The following ADAMTSL1 variants were observed in gnomAD, a reference collection of about 807,000 sequenced individuals.
ADAMTSL1 encodes ADAMTS-like protein 1.
In ADAMTSL1, 126 loss-of-function variants were observed where a neutral mutation model predicts 201.8. The observed-to-expected ratio is 0.62, with a 90% CI of 0.54 to 0.72. The LOEUF (loss-of-function observed/expected upper bound fraction) is 0.72. Among genes scored for constraint, ADAMTSL1 ranks in the 30% least tolerant of loss-of-function variants. ADAMTSL1 has a pLI of 0.00. For missense variants in ADAMTSL1, 2,679 were observed against 2,277.8 expected (o/e 1.18, Z -3.59); for synonymous variants, 1,121 against 903.4 (o/e 1.24, Z -4.32).
At chr9:18,394,281 T>G (rs1817657073) in intron 2 of ADAMTSL1, among the ~76,000 whole-genome samples, 1 of 152,346 alleles carries the variant, frequency 6.6e-6, no homozygotes, top group Admixed American at 6.5e-5. Flanking sequence ...TAGTGAAAAG[T>G]TTTTAAAGGC....
chr9:17,954,488 T>A (rs7850746), intron 1 of ADAMTSL1, among the ~76,000 whole-genome samples: 2,027 of 152,326 alleles, frequency 0.013, 57 homozygotes, highest in African/African-American at 0.047. Flanking sequence ...TATTTTTGAA[T>A]GGTTTAAGTT....
chr9:18,578,095 T>C (rs538298909), intron 4 of ADAMTSL1, among the ~76,000 whole-genome samples: 15 of 151,920 alleles, frequency 9.9e-5, no homozygotes, highest in African/African-American at 2.4e-4. Flanking sequence ...CAGCAAATCA[T>C]TGTATGATTT....
chr9:18,888,504 A>G (rs766124756), intron 24 of ADAMTSL1, among the ~76,000 whole-genome samples: 4 of 152,222 alleles, frequency 2.6e-5, no homozygotes, highest in Admixed American at 6.5e-5. Context: ...AGGGCTTTCC[A>G]GGCACCTTTC....
chr9:18,160,400 T>A (rs1827330647), intron 1 of ADAMTSL1, among the ~76,000 whole-genome samples: 1 of 151,988 alleles, frequency 6.6e-6, no homozygotes, highest in Non-Finnish European at 1.5e-5. Context: ...TAAGAGATAC[T>A]CTCTGGCCCC....
At chr9:18,696,865 ATATTAT>A (rs142242579) in intron 13 of ADAMTSL1, among the ~76,000 whole-genome samples, 12 of 142,252 alleles carry the variant, frequency 8.4e-5, no homozygotes, top group South Asian at 2.3e-4. Flanking sequence ...CATGTCAAAA[ATATTAT>A]TATTATTATT....
chr9:18,420,320 C>T (rs1407063493), intron 2 of ADAMTSL1, among the ~76,000 whole-genome samples: 1 of 152,092 alleles, frequency 6.6e-6, no homozygotes, highest in Non-Finnish European at 1.5e-5. Flanking sequence ...CTAGAATGGT[C>T]TACTGATTAT....
rs1211805413 is a variant in ADAMTSL1 at position 18,657,762 on chromosome 9, C to A, written c.946+12C>A. The A allele has an allele frequency of 6.2e-7, 1 of 1,601,008 alleles. No homozygotes were observed. The highest frequency in any genetic ancestry group is 2.2e-5 in the East Asian group (1 of 44,790). On this transcript the variant is annotated intron_variant, in intron 8 of 28. Coordinates refer to ENST00000380548, the MANE Select transcript of ADAMTSL1 (RefSeq NM_001040272.6). ...AACCTGTGGAGGAGGTAATGGTGTTCACTTAGTCTAAAAACTGTTGGCTTC... is the reference window on the plus strand; with the variant it reads ...AACCTGTGGAGGAGGTAATGGTGTTAACTTAGTCTAAAAACTGTTGGCTTC...
chr9:18,777,917 T>C lies in ADAMTSL1; in HGVS notation c.3677+11T>C. ...TCAGTTCAGTGACAGGTGAGCCTTGTAGCTAACCTGGTCTTGGGAGGGAGG... is the reference window on the plus strand; with the variant it reads ...TCAGTTCAGTGACAGGTGAGCCTTGCAGCTAACCTGGTCTTGGGAGGGAGG... On this transcript the variant is annotated intron_variant, in intron 19 of 28. Coordinates refer to ENST00000380548, the MANE Select transcript of ADAMTSL1 (RefSeq NM_001040272.6). 3.3e-6 allele frequency: 5 copies of C among 1,526,940 alleles called. No homozygotes were observed. The highest frequency in any genetic ancestry group is 4.4e-6 in the Non-Finnish European group (5 of 1,135,134). The allele number at this position is 1,526,940 out of a possible 1,614,324, so 94.6% of individuals were successfully genotyped here.
intron 2 of ADAMTSL1, among the ~76,000 whole-genome samples, chr9:18,292,749 A>G (rs999739026): frequency 2.0e-5 from 3 of 152,110 alleles, no homozygotes; most frequent in Non-Finnish European, 4.4e-5. Flanking sequence ...AGGGTCTCTC[A>G]GGTCTTTGGC....
chr9:18,711,057 C>G (rs76925595), intron 14 of ADAMTSL1, among the ~76,000 whole-genome samples: 472 of 152,110 alleles, frequency 3.1e-3, no homozygotes, highest in African/African-American at 0.011. Context: ...AGCAAGGAAG[C>G]AATTCACAGT....
intron 1 of ADAMTSL1, among the ~76,000 whole-genome samples, chr9:18,013,294 T>C (rs1563948785): frequency 6.6e-6 from 1 of 152,094 alleles, no homozygotes; most frequent in Non-Finnish European, 1.5e-5. Flanking sequence ...ATTTGACTTC[T>C]GCCCAAGTCT....
At chr9:17,922,450 G>A (rs1826343431) in intron 1 of ADAMTSL1, among the ~76,000 whole-genome samples, 1 of 152,108 alleles carries the variant, frequency 6.6e-6, no homozygotes, top group Admixed American at 6.6e-5. Context: ...AGATTCCTGA[G>A]CCTCAATCTC....
chr9:17,963,518 A>T (rs1421582781), intron 1 of ADAMTSL1, among the ~76,000 whole-genome samples: 1 of 152,316 alleles, frequency 6.6e-6, no homozygotes, highest in African/African-American at 2.4e-5. Flanking sequence ...AGTATTCCGT[A>T]TGAAAAACAG....
rs976719933 is a variant in ADAMTSL1, at chr9:18,352,797, G to T, written c.208-152032G>T. ...ATAAAAGGTTATGCAGGAAAAATAC[G>T]TTTTTACCCTATTTCTCAATCAGTC... is the stretch of plus-strand genomic sequence containing the variant. On this transcript the variant is annotated intron_variant, in intron 2 of 29. Transcript: ENST00000680146. Among the ~76,000 whole-genome samples the T allele has an allele frequency of 4.6e-5, 7 of 152,144 alleles. No individual in the cohort carries two copies. In the East Asian group the frequency reaches 7.7e-4, roughly 17 times the overall value.
At chr9:18,714,159 A>C (rs1287635475) in intron 14 of ADAMTSL1, among the ~76,000 whole-genome samples, 1 of 152,234 alleles carries the variant, frequency 6.6e-6, no homozygotes, top group African/African-American at 2.4e-5. Context: ...AAAGATCCAA[A>C]ATTGACACCC....
intron 1 of ADAMTSL1, among the ~76,000 whole-genome samples, chr9:17,996,130 C>T (rs2131514172): frequency 6.6e-6 from 1 of 151,958 alleles, no homozygotes; most frequent in Middle Eastern, 3.4e-3. Context: ...TAAATTATCA[C>T]ATCCTAACTT....
intron 2 of ADAMTSL1, among the ~76,000 whole-genome samples, chr9:18,227,341 A>C (rs537229471): frequency 2.6e-5 from 4 of 152,282 alleles, no homozygotes; most frequent in African/African-American, 9.6e-5. Flanking sequence ...GCAGATTCTC[A>C]TCTTAGTGGG....
intron 3 of ADAMTSL1, among the ~76,000 whole-genome samples, chr9:18,542,566 G>A (rs548285092): frequency 6.6e-6 from 1 of 152,270 alleles, no homozygotes; most frequent in East Asian, 1.9e-4. Context: ...CAGACACACA[G>A]AGAGAAGACA....
chr9:18,108,530 C>T (rs1437931849), intron 1 of ADAMTSL1, among the ~76,000 whole-genome samples: 1 of 151,892 alleles, frequency 6.6e-6, no homozygotes, highest in Non-Finnish European at 1.5e-5. Flanking sequence ...CTCTTGGAAG[C>T]CAGATCACAG....
Sources: gnomAD v4.1 joint callset for allele counts (sites outside exome capture counted in the v4.1 genomes callset) on GRCh38, gnomAD v4.1.1 for gene constraint, MANE v1.5 for transcripts, NCBI Gene and HGNC (gene_info 2026-07-23, HGNC 2026-07-21) for gene names.